UPF3A: variants seen among roughly 807,000 people sequenced by gnomAD.
UPF3A encodes UPF3A regulator of nonsense mediated mRNA decay.
Under a neutral mutation model 53.5 loss-of-function variants are expected in UPF3A, and 42 were observed. The ratio of observed to expected loss-of-function variants is 0.78; its 90% CI spans 0.61 to 1.01. The LOEUF (loss-of-function observed/expected upper bound fraction) is 1.01. Ranked by LOEUF, UPF3A falls within the 50% of genes least tolerant of loss-of-function variation. The probability of loss-of-function intolerance (pLI) is 0.00; values close to 1 mark genes in which losing one functional copy is unlikely to be tolerated. For missense variants in UPF3A, 575 were observed against 598.0 expected (o/e 0.96, Z 0.40); for synonymous variants, 237 against 225.3 (o/e 1.05, Z -0.47).
chr13:114,288,838 G>A (rs1172996448), intron 5 of UPF3A, among the ~76,000 whole-genome samples: 1 of 152,104 alleles, frequency 6.6e-6, no homozygotes, highest in African/African-American at 2.4e-5. Flanking sequence ...ACAGTATTGG[G>A]GGCAAAGTCG....
chr13:114,284,347 G>A (rs2084435615), intron 3 of UPF3A, among the ~76,000 whole-genome samples: 1 of 150,832 alleles, frequency 6.6e-6, no homozygotes, highest in African/African-American at 2.5e-5. Context: ...GGGCGACGGA[G>A]CAAAAAAATA....
intron 2 of UPF3A, 59 bp downstream of exon 2, chr13:114,282,186 C>T: frequency 1.4e-6 from 2 of 1,404,058 alleles, no homozygotes; most frequent in Non-Finnish European, 1.9e-6. Context: ...GCGGCGGTGG[C>T]CGTCTCGTTG....
Position 114,281,617 on chromosome 13 carries a change from TGCGGCTCG to T in UPF3A, c.-18_-11del. On this transcript the variant is annotated 5_prime_UTR_variant, in exon 1 of 10. Transcript: ENST00000375299. ...CGAGGTTTCGTCGGGGGCTGGCGGC[TGCGGCTCG>T]GCGGAGAGTGCGGCATGCGCTCGGA... The T allele has an allele frequency of 7.1e-7, 1 of 1,406,826 alleles. No homozygotes were observed. The highest frequency in any genetic ancestry group is 9.2e-7 in the Non-Finnish European group (1 of 1,081,978). 87.1% of individuals were successfully genotyped at this position (1,406,826 alleles called of 1,614,324 possible). A position where few individuals can be genotyped will look rare whatever the true frequency, so the allele number is the denominator to read the frequency against.
intron 9 of UPF3A, among the ~76,000 whole-genome samples, chr13:114,302,948 A>C (rs1340935561): frequency 6.6e-6 from 1 of 152,162 alleles, no homozygotes; most frequent in Non-Finnish European, 1.5e-5. Flanking sequence ...CTAAAAATAC[A>C]AAAAATAGCT....
At chr13:114,290,888 C>T (rs1281266229) in intron 5 of UPF3A, among the ~76,000 whole-genome samples, 1 of 151,986 alleles carries the variant, frequency 6.6e-6, no homozygotes, top group African/African-American at 2.4e-5. Flanking sequence ...CGCGTGCCAT[C>T]ACGCCCGGCT....
intron 3 of UPF3A, chr13:114,283,774 C>A (rs1033995596): frequency 2.0e-6 from 2 of 985,436 alleles, no homozygotes; most frequent in Admixed American, 6.2e-5. Context: ...TTTTCCTTCT[C>A]TTCTCCTGTC....
At chr13:114,304,513 TC>T (rs1365295312) in intron 9 of UPF3A, among the ~76,000 whole-genome samples, 1 of 152,172 alleles carries the variant, frequency 6.6e-6, no homozygotes, top group Non-Finnish European at 1.5e-5. Context: ...ACTTCCCAAC[TC>T]AGAGGGGGAC....
Position 114,282,257 on chromosome 13 carries a change from A to G in UPF3A, c.314+130A>G, listed in dbSNP as rs1048830583. On this transcript the variant is annotated intron_variant, in intron 2 of 9. Coordinates refer to ENST00000375299, the MANE Select transcript of UPF3A (RefSeq NM_023011.4). Reference sequence around the variant, plus strand: ...AGTCGTGTGAGCTTTTTGAATAAATACATTTCAGTAAAACGTGTCCGTTCC... The same window carrying G: ...AGTCGTGTGAGCTTTTTGAATAAATGCATTTCAGTAAAACGTGTCCGTTCC... 3.1e-5 allele frequency: 27 copies of G among 861,164 alleles called. No individual in the cohort carries two copies. The South Asian group carries it at 4.3e-4, about 14-fold the overall frequency. The allele number at this position is 861,164 out of a possible 1,614,324, so 53.3% of individuals were successfully genotyped here.
chr13:114,294,918 C>G (rs1292298696), intron 7 of UPF3A, among the ~76,000 whole-genome samples: 1 of 151,352 alleles, frequency 6.6e-6, no homozygotes, highest in Non-Finnish European at 1.5e-5. Flanking sequence ...CGAGACCATC[C>G]TGGCTAACAC....
At chr13:114,291,129 T>C (rs779911583) in intron 5 of UPF3A, among the ~76,000 whole-genome samples, 13 of 152,214 alleles carry the variant, frequency 8.5e-5, no homozygotes, top group Non-Finnish European at 1.8e-4. Flanking sequence ...CAAGAATCCA[T>C]GTTATTTTAA....
At position 114,305,802 on chromosome 13, in the gene UPF3A, TAAAG is replaced by T. The variant is rs1346949506; in HGVS notation, c.*888_*891del. ...ACCATTTATTAAATAAAAATTTTGT[TAAAG>T]AAGTACTGAAATATTCTTTGAATCT... On this transcript the variant is annotated 3_prime_UTR_variant, in exon 10 of 10. Coordinates refer to ENST00000375299, the MANE Select transcript of UPF3A (RefSeq NM_023011.4). 19 of 152,338 alleles carry T rather than the reference TAAAG, an allele frequency of 1.2e-4. No homozygotes were observed. The highest frequency in any genetic ancestry group is 5.2e-4 in the Admixed American group (8 of 15,306). 9.4% of individuals were successfully genotyped at this position (152,338 alleles called of 1,614,324 possible).
chr13:114,294,692 G>A (rs1159723994), intron 7 of UPF3A, among the ~76,000 whole-genome samples: 1 of 151,786 alleles, frequency 6.6e-6, no homozygotes, highest in African/African-American at 2.4e-5. Flanking sequence ...GGGCGTGGTG[G>A]CACACGCCTG....
intron 5 of UPF3A, 21 bp downstream of exon 5, chr13:114,286,650 C>T (rs1566733066): frequency 6.4e-7 from 1 of 1,573,394 alleles, no homozygotes; most frequent in East Asian, 2.2e-5. Context: ...CTCATTTCTT[C>T]TCTTTTCTTT....
intron 2 of UPF3A, 139 bp downstream of exon 2, chr13:114,282,266 T>C: frequency 1.2e-6 from 1 of 832,086 alleles, no homozygotes; most frequent in Non-Finnish European, 1.8e-6. Context: ...TACATTTCAG[T>C]AAAACGTGTC....
intron 7 of UPF3A, among the ~76,000 whole-genome samples, chr13:114,295,779 C>T (rs2085922786): frequency 1.3e-5 from 2 of 152,214 alleles, no homozygotes; most frequent in Non-Finnish European, 2.9e-5. Context: ...CACCTCTTGT[C>T]TCATTCACAG....
intron 3 of UPF3A, chr13:114,283,740 A>G (rs1370550353): frequency 1.0e-6 from 1 of 984,896 alleles, no homozygotes; most frequent in East Asian, 1.1e-4. Flanking sequence ...CCTTATCAGT[A>G]CTTCTAGGGT....
chr13:114,292,882 G>C (rs913867826), intron 7 of UPF3A, among the ~76,000 whole-genome samples: 6 of 151,880 alleles, frequency 4.0e-5, no homozygotes, highest in Non-Finnish European at 7.4e-5. Context: ...AGATCACCCT[G>C]ACTAACATGG....
chr13:114,295,111 C>CTAA (rs2085750736), intron 7 of UPF3A, among the ~76,000 whole-genome samples: 1 of 85,406 alleles, frequency 1.2e-5, no homozygotes, highest in African/African-American at 3.5e-5. Context: ...GACTCCGTCT[C>CTAA]AAAAAAAAAA....
intron 8 of UPF3A, among the ~76,000 whole-genome samples, chr13:114,299,873 C>T (rs1028170439): frequency 5.9e-5 from 9 of 152,242 alleles, no homozygotes; most frequent in African/African-American, 1.2e-4. Flanking sequence ...AAGACTAATG[C>T]GATTAGGCTG....
Sources: gnomAD v4.1 joint callset for allele counts (sites outside exome capture counted in the v4.1 genomes callset) on GRCh38, gnomAD v4.1.1 for gene constraint, MANE v1.5 for transcripts, NCBI Gene and HGNC (gene_info 2026-07-23, HGNC 2026-07-21) for gene names.